ZNF614: variants seen among roughly 807,000 people sequenced by gnomAD.
ZNF614 encodes zinc finger protein 614.
A neutral mutation model predicts 12.8 loss-of-function variants in ZNF614; 11 were observed. That is an observed-to-expected ratio of 0.86 (90% CI 0.54 to 1.43). ZNF614 has a LOEUF of 1.43. Among genes scored for constraint, ZNF614 ranks in the 40% most tolerant of loss-of-function variants. The pLI, the probability that ZNF614 is intolerant of heterozygous loss-of-function variation, is 0.00. For synonymous variants in ZNF614, 237 were observed against 237.5 expected (o/e 1.00, Z 0.02); for missense variants, 664 against 708.8 (o/e 0.94, Z 0.72).
chr19:52,015,818 TA>T lies in ZNF614; in HGVS notation c.*21del. 6.3e-7 allele frequency: 1 copy of T among 1,578,852 alleles called. No individual in the cohort carries two copies. Among genetic ancestry groups the T allele is most frequent in the Non-Finnish European group, 8.6e-7 (1 of 1,163,322 alleles). On this transcript the variant is annotated 3_prime_UTR_variant, in exon 5 of 5. Transcript: ENST00000270649. Reference sequence around the variant, plus strand: ...GGCATTTCCATAGTCACGGCACTAGTAGGGTTTTCTTCTGCATGAGTTCACT... The same window carrying T: ...GGCATTTCCATAGTCACGGCACTAGTGGGTTTTCTTCTGCATGAGTTCACT...
chr19:52,013,602 T>G lies in ZNF614; in HGVS notation c.*2238A>C, dbSNP rs1000743021. Reference sequence around the variant, plus strand: ...TCATATAACTTATTTATATAAAATTTATAAAAACCATTTACAAAAACAATT... The same window carrying G: ...TCATATAACTTATTTATATAAAATTGATAAAAACCATTTACAAAAACAATT... On this transcript the variant is annotated 3_prime_UTR_variant, in exon 5 of 5. Transcript: ENST00000270649. The G allele has an allele frequency of 6.6e-6, 1 of 152,178 alleles. No individual in the cohort carries two copies. The highest frequency in any genetic ancestry group is 1.5e-5 in the Non-Finnish European group (1 of 68,044). The allele number at this position is 152,178 out of a possible 1,614,324, so 9.4% of individuals were successfully genotyped here.
rs1286389787 is a variant in ZNF614 at position 52,018,086 on chromosome 19, G to C, written c.160C>G (p.Pro54Ala). The change falls in exon 4 of 5, where the codon CCA (proline) becomes GCA (alanine). Residue 54 changes from proline to alanine, a missense_variant. By Grantham distance (27) the Pro-to-Ala change is conservative. Coordinates refer to ENST00000270649, the MANE Select transcript of ZNF614 (RefSeq NM_025040.4). ...TGTGCCAACTTGGAGAGTACATCTG[G>C]TTTGCTAGTTTGATACCCTGTTCAT... ...LVSLGYQTSK[P>A]DVLSKLAHGQ... 1 of 1,613,878 alleles carries C rather than the reference G, an allele frequency of 6.2e-7. No homozygotes were observed. Among genetic ancestry groups the C allele is most frequent in the African/African-American group, 1.3e-5 (1 of 74,894 alleles).
At chr19:52,019,059 ACCAGGCTGGTCTTGAAGT>A (rs1282748443) in intron 2 of ZNF614, among the ~76,000 whole-genome samples, 1 of 151,974 alleles carries the variant, frequency 6.6e-6, no homozygotes, top group Non-Finnish European at 1.5e-5. Context: ...TGTTATGTTG[ACCAGGCTGGTCTTGAAGT>A]CCTGGCCTCA....
At chr19:52,021,279 C>T (rs1360105967) in intron 2 of ZNF614, among the ~76,000 whole-genome samples, 1 of 152,162 alleles carries the variant, frequency 6.6e-6, no homozygotes, top group African/African-American at 2.4e-5. Context: ...ACCCAGCTAA[C>T]ACCTTGACGA....
Position 52,016,819 on chromosome 19 carries a change from A to T in ZNF614, c.779T>A (p.Ile260Lys), listed in dbSNP as rs2086901346. 3.1e-6 allele frequency: 5 copies of T among 1,613,862 alleles called. No individual in the cohort carries two copies. In the East Asian group the frequency reaches 1.1e-4, roughly 36 times the overall value. The part of the protein sequence containing the change: ...LKTNTTDKIC[I>K]PNEYRKGSTV... ...AGAGCCTTTTCTATATTCATTGGGT[A>T]TACAGATTTTGTCTGTTGTATTAGT... is the stretch of plus-strand genomic sequence containing the variant. The change falls in exon 5 of 5, where the codon ATA (isoleucine) becomes AAA (lysine). Residue 260 changes from isoleucine (I) to lysine (K), a missense_variant. Physicochemically the swap from Ile to Lys is moderately radical, Grantham distance 102. Coordinates refer to ENST00000270649, the MANE Select transcript of ZNF614 (RefSeq NM_025040.4).
intron 1 of ZNF614, among the ~76,000 whole-genome samples, chr19:52,026,711 C>G (rs1417141129): frequency 6.6e-6 from 1 of 152,162 alleles, no homozygotes; most frequent in African/African-American, 2.4e-5. Flanking sequence ...GTCTCCTCCT[C>G]GTCCCTGGGA....
chr19:52,018,375 T>C lies in ZNF614; in HGVS notation c.135A>G (p.Val45=). 1 of 1,614,136 alleles carries C rather than the reference T, an allele frequency of 6.2e-7. No homozygotes were observed. The highest frequency in any genetic ancestry group is 8.5e-7 in the Non-Finnish European group (1 of 1,180,020). ...DVMVENYNHL[V]SLGYQTSKPD... is the part of the protein sequence containing the mutation. ...CAGGGAAACTATTCTTACCCAGTGA[T>C]ACTAGGTGGTTATAGTTCTCCACCA... is the stretch of plus-strand genomic sequence containing the variant. The change falls in exon 3 of 5, where the codon GTA becomes GTG. Residue 45 remains valine (V), a synonymous_variant. Transcript: ENST00000270649.
chr19:52,016,252 T>C lies in ZNF614; in HGVS notation c.1346A>G (p.His449Arg). The part of the protein sequence containing the change: ...KRTLIIHQRT[H>R]TGEKPYECNE... ...GCATTCATAGGGTTTTTCTCCTGTA[T>C]GAGTTCGCTGATGTATAATAAGAGT... The change falls in exon 5 of 5, where the codon CAT (histidine) becomes CGT (arginine). Residue 449 changes from histidine to arginine, a missense_variant. Physicochemically the swap from His to Arg is conservative, Grantham distance 29. Coordinates refer to ENST00000270649, the MANE Select transcript of ZNF614 (RefSeq NM_025040.4). 1 of 1,614,248 alleles carries C rather than the reference T, an allele frequency of 6.2e-7. No homozygotes were observed. The highest frequency in any genetic ancestry group is 8.5e-7 in the Non-Finnish European group (1 of 1,180,046).
In ZNF614 at chr19:52,014,772, C is replaced by T. The variant is rs1177335049; in HGVS notation, c.*1068G>A. 1 of 152,158 alleles carries T rather than the reference C, an allele frequency of 6.6e-6. No individual in the cohort carries two copies. Among genetic ancestry groups the T allele is most frequent in the East Asian group, 1.9e-4 (1 of 5,196 alleles). 9.4% of individuals were successfully genotyped at this position (152,158 alleles called of 1,614,324 possible). A position where few individuals can be genotyped will look rare whatever the true frequency, so the allele number is the denominator to read the frequency against. ...GCACAAAGTCTCCATCCTCTAGTTA[C>T]TTGATCTTCCTAGAGAACAGCCCCA... On this transcript the variant is annotated 3_prime_UTR_variant, in exon 5 of 5. Transcript: ENST00000270649.
At position 52,017,006 on chromosome 19, in the gene ZNF614, T is replaced by A; in HGVS notation, c.592A>T (p.Thr198Ser). The change falls in exon 5 of 5, where the codon ACT (threonine) becomes TCT (serine). Residue 198 changes from threonine to serine, a missense_variant. Thr to Ser is a moderately conservative substitution (Grantham distance 58). Transcript: ENST00000270649. ...TKFQVFKHQR[T>S]QKIEKPHACI... The stretch of plus-strand genomic sequence containing the variant: ...GCATGGGGTTTCTCAATTTTCTGAG[T>A]CCTCTGATGCTTGAAGACTTGGAAT... The A allele has an allele frequency of 6.2e-7, 1 of 1,614,144 alleles. No individual in the cohort carries two copies. Among genetic ancestry groups the A allele is most frequent in the Non-Finnish European group, 8.5e-7 (1 of 1,180,014 alleles).
rs141035689 is a variant in ZNF614, at chr19:52,017,297, C to G, written c.301G>C (p.Val101Leu). The change falls in exon 5 of 5, where the codon GTG becomes CTG. Residue 101 changes from valine to leucine, a missense_variant. Val to Leu is a conservative substitution (Grantham distance 32). Transcript: ENST00000270649. The part of the protein sequence containing the change: ...HSPNQRLLKS[V>L]QQCNGQNTLR... ...GTATTCTGTCCATTGCATTGCTGCA[C>G]GCTCTTCAGAAGTCTTTGGTTTGGA... 19 of 1,613,486 alleles carry G rather than the reference C, an allele frequency of 1.2e-5. No individual in the cohort carries two copies. Among genetic ancestry groups the G allele is most frequent in the Non-Finnish European group, 1.5e-5 (18 of 1,179,990 alleles).
rs914060521 is a variant in ZNF614, at chr19:52,014,785, G to A, written c.*1055C>T. On this transcript the variant is annotated 3_prime_UTR_variant, in exon 5 of 5. Coordinates refer to ENST00000270649, the MANE Select transcript of ZNF614 (RefSeq NM_025040.4). ...ATCCTCTAGTTACTTGATCTTCCTA[G>A]AGAACAGCCCCATTCTGAGGCTGTC... The A allele has an allele frequency of 2.0e-5, 3 of 152,138 alleles. No homozygotes were observed. The highest frequency in any genetic ancestry group is 2.0e-4 in the Admixed American group (3 of 15,266). The allele number at this position is 152,138 out of a possible 1,614,324, so 9.4% of individuals were successfully genotyped here.
rs2086898063 is a variant in ZNF614, at chr19:52,016,460, A to G, written c.1138T>C (p.Phe380Leu). 5.6e-6 allele frequency: 9 copies of G among 1,614,036 alleles called. No homozygotes were observed. The highest frequency in any genetic ancestry group is 7.6e-6 in the Non-Finnish European group (9 of 1,180,010). The change falls in exon 5 of 5, where the codon TTT (phenylalanine) becomes CTT (leucine). Residue 380 changes from phenylalanine to leucine, a missense_variant. Phe to Leu is a conservative substitution (Grantham distance 22). Coordinates refer to ENST00000270649, the MANE Select transcript of ZNF614 (RefSeq NM_025040.4). ...ACAATGAGATTGCTCTTCACGGTAAAGCCTTTTCCACATTCACTGCACATA... is the reference window on the plus strand; with the variant it reads ...ACAATGAGATTGCTCTTCACGGTAAGGCCTTTTCCACATTCACTGCACATA... The part of the protein sequence containing the change: ...PYMCSECGKG[F>L]TVKSNLIVHQ...
Position 52,016,268 on chromosome 19 carries a change from TAATAAGAGTGCGCTTTGTGG to T in ZNF614, c.1310_1329del (p.Thr437AsnfsTer13), listed in dbSNP as rs1286480390. 2.5e-6 allele frequency: 4 copies of T among 1,612,936 alleles called. No homozygotes were observed. In the Admixed American group the frequency reaches 5.0e-5, roughly 20 times the overall value. Reference sequence around the variant, plus strand: ...TCTCCTGTATGAGTTCGCTGATGTATAATAAGAGTGCGCTTTGTGGTGAAGCCTTTACCACATTCATTGCA... The same window carrying T: ...TCTCCTGTATGAGTTCGCTGATGTATTGAAGCCTTTACCACATTCATTGCA... On this transcript the variant is annotated frameshift_variant, in exon 5 of 5. Coordinates refer to ENST00000270649, the MANE Select transcript of ZNF614 (RefSeq NM_025040.4). LOFTEE classifies it low-confidence loss of function (END_TRUNC).
rs2086883954 is a variant in ZNF614, at chr19:52,014,351, T to G, written c.*1489A>C. On this transcript the variant is annotated 3_prime_UTR_variant, in exon 5 of 5. Transcript: ENST00000270649. ...CCAAGTTAGTGCAGTGCAAGTTAGT[T>G]AGTGCAGTCTAAATTAGTGCAGACT... 6.6e-6 allele frequency: 1 copy of G among 152,102 alleles called. No homozygotes were observed. Among genetic ancestry groups the G allele is most frequent in the African/African-American group, 2.4e-5 (1 of 41,400 alleles). The allele number at this position is 152,102 out of a possible 1,614,324, so 9.4% of individuals were successfully genotyped here.
Position 52,013,727 on chromosome 19 carries a change from A to G in ZNF614, c.*2113T>C, listed in dbSNP as rs1000852094. ...TGGAGTGTAAGCATAAAAAGGTAGCATGAGGGACTTTGTGTTCATTAGTTT... is the reference window on the plus strand; with the variant it reads ...TGGAGTGTAAGCATAAAAAGGTAGCGTGAGGGACTTTGTGTTCATTAGTTT... On this transcript the variant is annotated 3_prime_UTR_variant, in exon 5 of 5. Coordinates refer to ENST00000270649, the MANE Select transcript of ZNF614 (RefSeq NM_025040.4). The G allele has an allele frequency of 9.2e-5, 14 of 152,228 alleles. No individual in the cohort carries two copies. The highest frequency in any genetic ancestry group is 3.1e-4 in the African/African-American group (13 of 41,460). The allele number at this position is 152,228 out of a possible 1,614,324, so 9.4% of individuals were successfully genotyped here.
Position 52,014,720 on chromosome 19 carries a change from C to T in ZNF614, c.*1120G>A, listed in dbSNP as rs148770931. ...GTCTAATCTAATCTCCAGCACCCCT[C>T]CCCTTCCAGGAGGTGGGAGAAATGG... On this transcript the variant is annotated 3_prime_UTR_variant, in exon 5 of 5. Transcript: ENST00000270649. The T allele has an allele frequency of 0.01, 1,567 of 152,232 alleles. 14 individuals carry two copies. Among genetic ancestry groups the T allele is most frequent in the Middle Eastern group, 0.034 (10 of 294 alleles). The allele number at this position is 152,232 out of a possible 1,614,324, so 9.4% of individuals were successfully genotyped here.
chr19:52,014,915 C>CT lies in ZNF614; in HGVS notation c.*924dup, dbSNP rs988865480. ...AAAAACAAAACAAAACCAAAAAACT[C>CT]TTATCACTCATGAAATTCTAAGCGT... is the stretch of plus-strand genomic sequence containing the variant. On this transcript the variant is annotated 3_prime_UTR_variant, in exon 5 of 5. Coordinates refer to ENST00000270649, the MANE Select transcript of ZNF614 (RefSeq NM_025040.4). The CT allele has an allele frequency of 6.6e-6, 1 of 152,188 alleles. No homozygotes were observed. Among genetic ancestry groups the CT allele is most frequent in the African/African-American group, 2.4e-5 (1 of 41,438 alleles). The allele number at this position is 152,188 out of a possible 1,614,324, so 9.4% of individuals were successfully genotyped here. A position where few individuals can be genotyped will look rare whatever the true frequency, so the allele number is the denominator to read the frequency against.
chr19:52,021,479 G>A (rs1230658941), intron 2 of ZNF614, among the ~76,000 whole-genome samples: 1 of 152,140 alleles, frequency 6.6e-6, no homozygotes, highest in Non-Finnish European at 1.5e-5. Context: ...GGCCAGGAGT[G>A]GGGCACACAT....
Sources: allele counts gnomAD v4.1 joint callset (sites outside exome capture counted in the v4.1 genomes callset), GRCh38; gene constraint gnomAD v4.1.1; transcripts MANE v1.5; gene names NCBI Gene and HGNC (gene_info 2026-07-23, HGNC 2026-07-21).